FAM81A: variants seen among roughly 807,000 people sequenced by gnomAD.
FAM81A encodes protein FAM81A.
In FAM81A, 19 loss-of-function variants were observed where a neutral mutation model predicts 46.7. That is an observed-to-expected ratio of 0.41 (90% CI 0.28 to 0.60). FAM81A has a LOEUF of 0.60. Ranked by LOEUF, FAM81A falls within the 20% of genes least tolerant of loss-of-function variation. FAM81A has a pLI of 0.34. For synonymous variants in FAM81A, 183 were observed against 152.9 expected (o/e 1.20, Z -1.45); for missense variants, 377 against 453.5 (o/e 0.83, Z 1.53).
intron 5 of FAM81A, among the ~76,000 whole-genome samples, chr15:59,508,046 A>C (rs1289681653): frequency 6.6e-6 from 1 of 152,256 alleles, no homozygotes; most frequent in African/African-American, 2.4e-5. Context: ...ATCTCCAATA[A>C]GAATATAAAG....
intron 6 of FAM81A, among the ~76,000 whole-genome samples, chr15:59,511,365 A>G (rs2082206131): frequency 6.6e-6 from 1 of 152,218 alleles, no homozygotes; most frequent in Non-Finnish European, 1.5e-5. Flanking sequence ...GATAAATTAA[A>G]TGTGTGTATT....
intron 2 of FAM81A, among the ~76,000 whole-genome samples, chr15:59,424,720 A>G (rs2081188079): frequency 6.6e-6 from 1 of 152,226 alleles, no homozygotes; most frequent in Non-Finnish European, 1.5e-5. Flanking sequence ...CCTGCATCAC[A>G]AGTTCGCTGA....
chr15:59,423,455 T>C (rs935144911), intron 2 of FAM81A, among the ~76,000 whole-genome samples: 12 of 152,198 alleles, frequency 7.9e-5, no homozygotes, highest in Admixed American at 7.2e-4. Context: ...TCAGAGATTT[T>C]AGCAAACTTT....
intron 2 of FAM81A, among the ~76,000 whole-genome samples, chr15:59,432,839 AT>A (rs1440652357): frequency 6.6e-6 from 1 of 152,142 alleles, no homozygotes; most frequent in East Asian, 1.9e-4. Context: ...TTTTAATGCA[AT>A]ATTTAAAAAA....
chr15:59,503,387 G>C (rs2082115876), intron 4 of FAM81A, among the ~76,000 whole-genome samples: 2 of 151,786 alleles, frequency 1.3e-5, no homozygotes, highest in African/African-American at 2.4e-5. Flanking sequence ...TGGTAGAATG[G>C]TTTGTAGTCT....
At chr15:59,512,035 A>G (rs117355377) in intron 6 of FAM81A, among the ~76,000 whole-genome samples, 1,705 of 152,354 alleles carry the variant, frequency 0.011, 16 homozygotes, top group Middle Eastern at 0.02. Context: ...AAGCTGTGGT[A>G]TATTCATAAA....
At chr15:59,471,516 GC>G (rs1243134543) in intron 3 of FAM81A, among the ~76,000 whole-genome samples, 8 of 151,910 alleles carry the variant, frequency 5.3e-5, no homozygotes, top group Non-Finnish European at 1.2e-4. Flanking sequence ...AGGCTGGAGT[GC>G]AGTGGTGCAA....
chr15:59,455,065 CT>C (rs773072708), intron 1 of FAM81A, among the ~76,000 whole-genome samples: 3,925 of 134,528 alleles, frequency 0.029, 132 homozygotes, highest in African/African-American at 0.088. Flanking sequence ...ACCTGGCTAA[CT>C]TTTTTTTTTT....
chr15:59,442,339 A>G (rs1427053929), intron 1 of FAM81A, among the ~76,000 whole-genome samples: 1 of 152,202 alleles, frequency 6.6e-6, no homozygotes, highest in Non-Finnish European at 1.5e-5. Flanking sequence ...CTGGCCAGGT[A>G]CAGTGGCTCA....
chr15:59,512,935 C>A (rs1009535399), intron 6 of FAM81A, among the ~76,000 whole-genome samples: 10 of 152,314 alleles, frequency 6.6e-5, no homozygotes, highest in African/African-American at 2.4e-4. Flanking sequence ...AATGTGGTCT[C>A]TGGCTAGGCA....
chr15:59,420,614 A>G (rs1197344307), intron 2 of FAM81A, among the ~76,000 whole-genome samples: 2 of 152,056 alleles, frequency 1.3e-5, no homozygotes, highest in African/African-American at 4.8e-5. Flanking sequence ...GCTTTATAAG[A>G]TTTATTGTAT....
chr15:59,480,612 C>G (rs1372136289), intron 3 of FAM81A, among the ~76,000 whole-genome samples: 1 of 152,126 alleles, frequency 6.6e-6, no homozygotes, highest in Non-Finnish European at 1.5e-5. Flanking sequence ...GGACAATGCA[C>G]TTTCCACCCT....
chr15:59,438,175 G>A (rs1398823027), upstream of FAM81A: 1 of 146,344 alleles, frequency 6.8e-6, no homozygotes, highest in Non-Finnish European at 1.5e-5. Flanking sequence ...CGCTCCCCGC[G>A]GCGCGGGCCC....
chr15:59,483,598 A>G (rs2081881419), intron 3 of FAM81A, among the ~76,000 whole-genome samples: 3 of 152,192 alleles, frequency 2.0e-5, no homozygotes, highest in Non-Finnish European at 2.9e-5. Context: ...TGGGCCTGCA[A>G]ATTGTCAGTA....
At chr15:59,445,748 T>C (rs1271982446) in intron 1 of FAM81A, among the ~76,000 whole-genome samples, 1 of 152,222 alleles carries the variant, frequency 6.6e-6, no homozygotes, top group Non-Finnish European at 1.5e-5. Context: ...TTTCCCCTGC[T>C]AGTTTAGTAG....
At chr15:59,425,569 T>C (rs2081191440) in intron 2 of FAM81A, among the ~76,000 whole-genome samples, 1 of 152,224 alleles carries the variant, frequency 6.6e-6, no homozygotes, top group Non-Finnish European at 1.5e-5. Flanking sequence ...GAATACTCTA[T>C]CTGGAAAATA....
chr15:59,415,114 C>A (rs1596461828), intron 2 of FAM81A, among the ~76,000 whole-genome samples: 1 of 147,954 alleles, frequency 6.8e-6, no homozygotes, highest in Admixed American at 6.8e-5. Flanking sequence ...CCGTGCCCAG[C>A]CTGTTTTTTT....
chr15:59,435,577 G>C (rs1473949807), upstream of FAM81A, among the ~76,000 whole-genome samples: 1 of 152,212 alleles, frequency 6.6e-6, no homozygotes. Context: ...CCAAGATCGA[G>C]AGCCTCTGCA....
At chr15:59,506,386 C>G (rs1223754208) in intron 4 of FAM81A, among the ~76,000 whole-genome samples, 7 of 152,062 alleles carry the variant, frequency 4.6e-5, no homozygotes, top group Non-Finnish European at 1.0e-4. Flanking sequence ...TTGTAACTTA[C>G]TTGTGCCTTT....
Sources: gnomAD v4.1 joint callset for allele counts (sites outside exome capture counted in the v4.1 genomes callset) on GRCh38, gnomAD v4.1.1 for gene constraint, MANE v1.5 for transcripts, NCBI Gene and HGNC (gene_info 2026-07-23, HGNC 2026-07-21) for gene names.